KCNIP4: variants seen among roughly 807,000 people sequenced by gnomAD.
KCNIP4 encodes the protein Kv channel-interacting protein 4.
A neutral mutation model predicts 34.0 loss-of-function variants in KCNIP4; 12 were observed. The ratio of observed to expected loss-of-function variants is 0.35; its 90% CI spans 0.23 to 0.57. The LOEUF (loss-of-function observed/expected upper bound fraction) is 0.57. Among genes scored for constraint, KCNIP4 ranks in the 20% least tolerant of loss-of-function variants. The pLI, the probability that KCNIP4 is intolerant of heterozygous loss-of-function variation, is 0.83. For missense variants in KCNIP4, 238 were observed against 311.7 expected (o/e 0.76, Z 1.78); for synonymous variants, 124 against 102.2 (o/e 1.21, Z -1.29).
At chr4:20,784,561 A>T (rs1711680522) in intron 3 of KCNIP4, among the ~76,000 whole-genome samples, 1 of 152,124 alleles carries the variant, frequency 6.6e-6, no homozygotes. Context: ...TTAACTGTTA[A>T]AGATTCCTCT....
intron 1 of KCNIP4, among the ~76,000 whole-genome samples, chr4:21,877,223 G>T (rs1005610292): frequency 1.3e-5 from 2 of 151,936 alleles, no homozygotes; most frequent in African/African-American, 2.4e-5. Context: ...TGTGGTGGCG[G>T]GTCCCTGTAA....
intron 1 of KCNIP4, among the ~76,000 whole-genome samples, chr4:21,052,818 A>G (rs911503746): frequency 1.3e-5 from 2 of 152,128 alleles, no homozygotes; most frequent in Admixed American, 1.3e-4. Context: ...CACTGTCTGT[A>G]TCTGTGTGAG....
intron 1 of KCNIP4, among the ~76,000 whole-genome samples, chr4:21,131,601 C>T (rs1463682258): frequency 6.6e-6 from 1 of 152,054 alleles, no homozygotes; most frequent in East Asian, 1.9e-4. Context: ...CAGAAGGAGA[C>T]TCAGTCTCAA....
At chr4:21,481,837 T>G (rs905485309) in intron 1 of KCNIP4, among the ~76,000 whole-genome samples, 3 of 152,134 alleles carry the variant, frequency 2.0e-5, no homozygotes, top group African/African-American at 7.2e-5. Context: ...AAAAATAATG[T>G]GAGAAATGTA....
chr4:21,894,811 T>A (rs918008441), intron 1 of KCNIP4, among the ~76,000 whole-genome samples: 3 of 152,196 alleles, frequency 2.0e-5, no homozygotes, highest in Non-Finnish European at 4.4e-5. Context: ...AAGGCAGGGA[T>A]AAAATCCTTC....
At chr4:21,046,572 C>T (rs1375833909) in intron 1 of KCNIP4, among the ~76,000 whole-genome samples, 1 of 81,572 alleles carries the variant, frequency 1.2e-5, no homozygotes, top group East Asian at 2.9e-4. Context: ...GACAGAGTTA[C>T]TAGCTAATTT....
intron 1 of KCNIP4, among the ~76,000 whole-genome samples, chr4:20,959,702 G>A (rs1240877313): frequency 1.3e-5 from 2 of 152,154 alleles, no homozygotes; most frequent in African/African-American, 4.8e-5. Flanking sequence ...TTCTGTTTGT[G>A]TATCTCTCTT....
At chr4:20,854,362 C>T (rs28659984) in intron 2 of KCNIP4, among the ~76,000 whole-genome samples, 4,966 of 152,178 alleles carry the variant, frequency 0.033, 179 homozygotes, top group African/African-American at 0.091. Context: ...AGATTGGAGA[C>T]TATTATTCTA....
chr4:21,719,283 C>T (rs1405145544), intron 1 of KCNIP4, among the ~76,000 whole-genome samples: 1 of 152,124 alleles, frequency 6.6e-6, no homozygotes, highest in Non-Finnish European at 1.5e-5. Context: ...CTCGTTTCAT[C>T]TCAGAGGAAC....
At chr4:20,949,312 A>G (rs1008638401) in intron 1 of KCNIP4, among the ~76,000 whole-genome samples, 3 of 152,240 alleles carry the variant, frequency 2.0e-5, no homozygotes, top group African/African-American at 4.8e-5. Flanking sequence ...GTACCCCTAC[A>G]TATTACTCTA....
chr4:20,767,073 A>G (rs1347475740), intron 3 of KCNIP4: 1 of 152,142 alleles, frequency 6.6e-6, no homozygotes, highest in East Asian at 1.9e-4. Flanking sequence ...GTACCATGGT[A>G]ATAGTTTAGG....
chr4:21,845,613 C>A (rs529174837), intron 1 of KCNIP4: 9 of 152,034 alleles, frequency 5.9e-5, no homozygotes, highest in Non-Finnish European at 1.3e-4. Context: ...TACATAGGAG[C>A]TTGACACTTC....
chr4:21,420,801 A>G (rs1376081315), intron 1 of KCNIP4, among the ~76,000 whole-genome samples: 1 of 152,206 alleles, frequency 6.6e-6, no homozygotes, highest in Non-Finnish European at 1.5e-5. Flanking sequence ...ATTAATTTAA[A>G]CCAAAAAGCT....
chr4:21,489,520 G>T (rs1732199228), intron 1 of KCNIP4, among the ~76,000 whole-genome samples: 1 of 151,980 alleles, frequency 6.6e-6, no homozygotes, highest in African/African-American at 2.4e-5. Flanking sequence ...TTATTATTCT[G>T]TAGTCCCATC....
chr4:21,797,113 C>T (rs4697239), intron 1 of KCNIP4, among the ~76,000 whole-genome samples: 148,761 of 152,300 alleles, frequency 0.98, 72,750 homozygotes, highest in East Asian at 1. Flanking sequence ...TTATAGATAC[C>T]GTCCCATCTA....
chr4:20,975,750 A>G (rs1243683664), intron 1 of KCNIP4, among the ~76,000 whole-genome samples: 8 of 152,202 alleles, frequency 5.3e-5, no homozygotes, highest in African/African-American at 1.9e-4. Flanking sequence ...CTCTAGAACA[A>G]GGGCTGGCAA....
In KCNIP4 at chr4:21,221,074, C is replaced by T. The variant is rs563744628; in HGVS notation, c.62-338365G>A. On this transcript the variant is annotated intron_variant, in intron 1 of 8. Coordinates refer to ENST00000382152, the MANE Select transcript of KCNIP4 (RefSeq NM_025221.6). ...CTTTTAAATAATTCATCGTTCATTC[C>T]TCTGTGCTCTTAACACCTGCTCCTT... Among the ~76,000 whole-genome samples the T allele has an allele frequency of 7.2e-5, 11 of 152,226 alleles. 1 individual carries two copies. Among genetic ancestry groups the T allele is most frequent in the Admixed American group, 7.2e-4 (11 of 15,274 alleles).
At chr4:21,218,201 GAC>G (rs1315000479) in intron 1 of KCNIP4, among the ~76,000 whole-genome samples, 1 of 151,692 alleles carries the variant, frequency 6.6e-6, no homozygotes, top group East Asian at 1.9e-4. Flanking sequence ...TTTTAGTAGA[GAC>G]AGAGTTTCAC....
intron 3 of KCNIP4, among the ~76,000 whole-genome samples, chr4:20,821,307 C>CT (rs964486572): frequency 6.6e-6 from 1 of 152,144 alleles, no homozygotes; most frequent in Non-Finnish European, 1.5e-5. Context: ...CTATTTCTCC[C>CT]TTTTGTGATG....
Sources: gnomAD v4.1 joint callset for allele counts (sites outside exome capture counted in the v4.1 genomes callset) on GRCh38, gnomAD v4.1.1 for gene constraint, MANE v1.5 for transcripts, NCBI Gene and HGNC (gene_info 2026-07-23, HGNC 2026-07-21) for gene names.